Variants in RAB38 observed in about 807,000 individuals in gnomAD.
The protein encoded by RAB38 is ras-related protein Rab-38.
In RAB38, 15 loss-of-function variants were observed where a neutral mutation model predicts 18.4. That is an observed-to-expected ratio of 0.82 (90% CI 0.55 to 1.26). RAB38 has a LOEUF of 1.26. RAB38 is among the 50% of genes most tolerant of loss of function. The probability of loss-of-function intolerance (pLI) is 0.00; values close to 1 mark genes in which losing one functional copy is unlikely to be tolerated. For missense variants in RAB38, 294 were observed against 267.4 expected (o/e 1.10, Z -0.69); for synonymous variants, 101 against 104.4 (o/e 0.97, Z 0.20).
chr11:88,060,431 C>A, the RAB38 span, among the ~76,000 whole-genome samples: 254 of 152,210 alleles, frequency 1.7e-3, 1 homozygote, highest in African/African-American at 5.7e-3. Context: ...ACTTAATTCC[C>A]AAAGTAAAAG....
the RAB38 span, among the ~76,000 whole-genome samples, chr11:87,976,543 A>G: frequency 1.6e-5 from 2 of 125,744 alleles, no homozygotes; most frequent in African/African-American, 3.0e-5. Context: ...TTACATTTAT[A>G]TTTTATATAT....
the RAB38 span, among the ~76,000 whole-genome samples, chr11:87,812,417 G>A: frequency 6.6e-6 from 1 of 152,020 alleles, no homozygotes; most frequent in East Asian, 1.9e-4. Flanking sequence ...TTTGAGGCTA[G>A]GAAAAAAAGT....
At chr11:87,829,577 G>A in the RAB38 span, among the ~76,000 whole-genome samples, 3 of 152,082 alleles carry the variant, frequency 2.0e-5, no homozygotes, top group Non-Finnish European at 4.4e-5. Flanking sequence ...TCACTATCAC[G>A]AGAACAGCAT....
the RAB38 span, among the ~76,000 whole-genome samples, chr11:87,825,760 G>T: frequency 1.3e-5 from 2 of 152,060 alleles, no homozygotes; most frequent in African/African-American, 4.8e-5. Context: ...AGAAAAAGTG[G>T]AGAGATTATT....
chr11:87,892,137 T>TGACA, the RAB38 span, among the ~76,000 whole-genome samples: 4 of 151,940 alleles, frequency 2.6e-5, no homozygotes, highest in South Asian at 4.2e-4. Flanking sequence ...ATGTGCAGTC[T>TGACA]GACAGCCCTA....
chr11:88,148,995 G>A (rs938146486), intron 2 of RAB38, among the ~76,000 whole-genome samples: 18 of 151,894 alleles, frequency 1.2e-4, no homozygotes, highest in African/African-American at 4.4e-4. Flanking sequence ...ACAAAAGCCA[G>A]GAACCTGACA....
At chr11:88,074,649 A>G in the RAB38 span, among the ~76,000 whole-genome samples, 2 of 152,200 alleles carry the variant, frequency 1.3e-5, no homozygotes, top group African/African-American at 4.8e-5. Flanking sequence ...AAGGGAGAGA[A>G]GAGTTAAAAA....
At chr11:88,065,209 T>C in the RAB38 span, among the ~76,000 whole-genome samples, 1 of 152,186 alleles carries the variant, frequency 6.6e-6, no homozygotes, top group African/African-American at 2.4e-5. Context: ...AAATATTCAC[T>C]CTCTTCTAAC....
the RAB38 span, among the ~76,000 whole-genome samples, chr11:88,024,887 G>C: frequency 6.8e-6 from 1 of 147,886 alleles, no homozygotes; most frequent in Non-Finnish European, 1.5e-5. Context: ...GTGGGGTGGA[G>C]ATGGAGATGA....
the RAB38 span, among the ~76,000 whole-genome samples, chr11:87,947,469 T>A: frequency 9.9e-5 from 15 of 152,232 alleles, no homozygotes; most frequent in Admixed American, 9.8e-4. Context: ...TCCCCATGCC[T>A]ATGTCCTGAA....
At chr11:88,149,604 TG>T in intron 2 of RAB38, 70 bp downstream of exon 2, 1 of 1,472,414 alleles carries the variant, frequency 6.8e-7, no homozygotes, top group East Asian at 2.3e-5. Context: ...ATTATGATGA[TG>T]GTGATGATTA....
At chr11:88,056,329 G>A in the RAB38 span, among the ~76,000 whole-genome samples, 3 of 152,162 alleles carry the variant, frequency 2.0e-5, no homozygotes, top group Non-Finnish European at 4.4e-5. Context: ...ACAATACCAG[G>A]AATGTTAATA....
At chr11:88,054,717 C>A in the RAB38 span, among the ~76,000 whole-genome samples, 1 of 152,202 alleles carries the variant, frequency 6.6e-6, no homozygotes, top group African/African-American at 2.4e-5. Context: ...ATGTGCTTCA[C>A]AGGGAAAGTA....
the RAB38 span, among the ~76,000 whole-genome samples, chr11:87,908,616 C>G: frequency 1.8e-4 from 27 of 152,092 alleles, no homozygotes; most frequent in African/African-American, 6.5e-4. Context: ...GTGTCTAGCA[C>G]TGTGCCTGTC....
At chr11:88,102,473 T>C in the RAB38 span, among the ~76,000 whole-genome samples, 1 of 152,104 alleles carries the variant, frequency 6.6e-6, no homozygotes, top group Non-Finnish European at 1.5e-5. Context: ...AGCTCAGGAA[T>C]TGCACACAAT....
At chr11:87,928,253 A>G in the RAB38 span, among the ~76,000 whole-genome samples, 1 of 152,056 alleles carries the variant, frequency 6.6e-6, no homozygotes, top group African/African-American at 2.4e-5. Context: ...ACTTTTAATA[A>G]CAAATTACTT....
At chr11:87,932,963 ATCCACAG>A in the RAB38 span, among the ~76,000 whole-genome samples, 1 of 152,110 alleles carries the variant, frequency 6.6e-6, no homozygotes, top group Non-Finnish European at 1.5e-5. Context: ...AGAACACAGA[ATCCACAG>A]TCTGCTAAGT....
At chr11:87,921,791 C>CT in the RAB38 span, among the ~76,000 whole-genome samples, 18 of 150,316 alleles carry the variant, frequency 1.2e-4, no homozygotes, top group African/African-American at 2.4e-4. Flanking sequence ...TTGGTAGAGC[C>CT]TTTTTTTTTC....
chr11:88,004,423 T>A, the RAB38 span, among the ~76,000 whole-genome samples: 1 of 151,174 alleles, frequency 6.6e-6, no homozygotes, highest in Non-Finnish European at 1.5e-5. Flanking sequence ...AGAAATTCAG[T>A]ACCAATTCTA....
Sources: gnomAD v4.1 joint callset for allele counts (sites outside exome capture counted in the v4.1 genomes callset) on GRCh38, gnomAD v4.1.1 for gene constraint, MANE v1.5 for transcripts, NCBI Gene and HGNC (gene_info 2026-07-23, HGNC 2026-07-21) for gene names.